The following TC2N variants were observed in gnomAD, a reference collection of about 807,000 sequenced individuals.
The protein encoded by TC2N is tandem C2 domains, nuclear.
TC2N carries 51 observed loss-of-function variants against 61.9 expected under a neutral mutation model. The ratio of observed to expected loss-of-function variants is 0.82; its 90% CI spans 0.66 to 1.04. The LOEUF (loss-of-function observed/expected upper bound fraction) is 1.04, where lower values mean the gene tolerates loss of function less well. Ranked by LOEUF, TC2N falls within the 50% of genes least tolerant of loss-of-function variation. TC2N has a pLI of 0.00. For synonymous variants in TC2N, 204 were observed against 192.6 expected, an observed-to-expected ratio of 1.06 and a Z score of -0.49; for missense variants, 556 against 566.7, an observed-to-expected ratio of 0.98 and a Z score of 0.19.
intron 8 of TC2N, among the ~76,000 whole-genome samples, chr14:91,794,643 G>A (rs1282761562): frequency 1.3e-5 from 2 of 151,488 alleles, no homozygotes; most frequent in African/African-American, 4.9e-5. Flanking sequence ...GTCTACTATT[G>A]AGATCTACTG....
intron 1 of TC2N, among the ~76,000 whole-genome samples, chr14:91,852,704 G>A (rs1374231075): frequency 6.6e-6 from 1 of 152,134 alleles, no homozygotes; most frequent in African/African-American, 2.4e-5. Context: ...CATGTTTGAG[G>A]AACAGTGAGA....
At chr14:91,788,174 G>A (rs1371543649) in intron 9 of TC2N, among the ~76,000 whole-genome samples, 1 of 152,112 alleles carries the variant, frequency 6.6e-6, no homozygotes, top group Non-Finnish European at 1.5e-5. Context: ...AAGGAAGCTA[G>A]TCAAAGTGAT....
At chr14:91,866,009 A>G (rs1888694703) in intron 1 of TC2N, among the ~76,000 whole-genome samples, 1 of 152,236 alleles carries the variant, frequency 6.6e-6, no homozygotes, top group Non-Finnish European at 1.5e-5. Flanking sequence ...TATCCTGTTC[A>G]TGTCTCTGAA....
chr14:91,826,145 C>T (rs1208168479), intron 1 of TC2N, among the ~76,000 whole-genome samples: 5 of 151,564 alleles, frequency 3.3e-5, no homozygotes, highest in African/African-American at 1.2e-4. Flanking sequence ...ATAGGGAGAC[C>T]CCTATCTCTA....
At chr14:91,801,362 A>C (rs1886240305) in intron 4 of TC2N, among the ~76,000 whole-genome samples, 1 of 152,208 alleles carries the variant, frequency 6.6e-6, no homozygotes, top group African/African-American at 2.4e-5. Context: ...AAATGCATAC[A>C]AAATAATCTG....
intron 1 of TC2N, among the ~76,000 whole-genome samples, chr14:91,863,003 A>G (rs1888625172): frequency 6.6e-6 from 1 of 152,244 alleles, no homozygotes; most frequent in Admixed American, 6.5e-5. Flanking sequence ...TGATTTTAAT[A>G]GTGCCTTTGC....
In TC2N at chr14:91,782,228, C is replaced by T. The variant is rs903262623; in HGVS notation, c.*872G>A. ...AAAAAAATGAGAAAATACTCAAACA[C>T]GGTAAATTATAGAATAATCTAAATT... On this transcript the variant is annotated 3_prime_UTR_variant, in exon 12 of 12. Coordinates refer to ENST00000435962, the MANE Select transcript of TC2N (RefSeq NM_001128596.3). The T allele has an allele frequency of 3.3e-5, 5 of 151,744 alleles. No homozygotes were observed. The highest frequency in any genetic ancestry group is 5.9e-5 in the Non-Finnish European group (4 of 67,834). The allele number at this position is 151,744 out of a possible 1,614,324, so 9.4% of individuals were successfully genotyped here.
At chr14:91,785,494 G>T in intron 10 of TC2N, 133 bp from the exon 11 acceptor site, 1 of 643,780 alleles carries the variant, frequency 1.6e-6, no homozygotes, top group Non-Finnish European at 2.6e-6. Flanking sequence ...ACTTTTAAAT[G>T]TTTGATGAGC....
At chr14:91,834,366 G>C (rs1337943286) in intron 1 of TC2N, among the ~76,000 whole-genome samples, 1 of 152,152 alleles carries the variant, frequency 6.6e-6, no homozygotes, top group Non-Finnish European at 1.5e-5. Context: ...TTAACCATGA[G>C]AGAGGAACAA....
At chr14:91,800,397 T>C in intron 4 of TC2N, 25 bp from the exon 5 acceptor site, 4 of 1,371,178 alleles carry the variant, frequency 2.9e-6, no homozygotes, top group South Asian at 1.3e-5. Flanking sequence ...GAGAAAAGTA[T>C]ATATTTTTAA....
chr14:91,848,149 T>C (rs114505021), intron 1 of TC2N, among the ~76,000 whole-genome samples: 81 of 152,334 alleles, frequency 5.3e-4, no homozygotes, highest in African/African-American at 1.6e-3. Flanking sequence ...TAAGATATCA[T>C]TTTGACTAAT....
chr14:91,844,671 G>A (rs554532434), intron 1 of TC2N, among the ~76,000 whole-genome samples: 1 of 146,852 alleles, frequency 6.8e-6, no homozygotes, highest in South Asian at 2.2e-4. Flanking sequence ...TGAGGCAGGA[G>A]AATCGCTTGA....
rs1049202578 is a variant in TC2N, at chr14:91,782,101, A to T, written c.*999T>A. 3.3e-5 allele frequency: 5 copies of T among 152,078 alleles called. No homozygotes were observed. Among genetic ancestry groups the T allele is most frequent in the Non-Finnish European group, 7.4e-5 (5 of 67,930 alleles). 9.4% of individuals were successfully genotyped at this position (152,078 alleles called of 1,614,324 possible). A position where few individuals can be genotyped will look rare whatever the true frequency, so the allele number is the denominator to read the frequency against. On this transcript the variant is annotated 3_prime_UTR_variant, in exon 12 of 12. Coordinates refer to ENST00000435962, the MANE Select transcript of TC2N (RefSeq NM_001128596.3). ...CTTTTTGGCCACAGTTCTTATGGTC[A>T]ATTAAGCTGAAATTATTTCCAAATA...
intron 10 of TC2N, among the ~76,000 whole-genome samples, chr14:91,785,794 T>G (rs1482094660): frequency 6.6e-6 from 1 of 151,984 alleles, no homozygotes; most frequent in East Asian, 1.9e-4. Flanking sequence ...TACTTTAAAT[T>G]TGAGATGTAT....
chr14:91,866,507 A>C (rs2139931384), intron 1 of TC2N: 1 of 152,358 alleles, frequency 6.6e-6, no homozygotes, highest in African/African-American at 2.4e-5. Flanking sequence ...ATTATTTAGG[A>C]TGAACGTTTT....
At chr14:91,865,372 T>G (rs1342174089) in intron 1 of TC2N, among the ~76,000 whole-genome samples, 3 of 136,920 alleles carry the variant, frequency 2.2e-5, no homozygotes, top group Admixed American at 7.0e-5. Context: ...CCTCTTGGTT[T>G]TTTTTTTTTT....
rs1885154051 is a variant in TC2N, at chr14:91,782,020, A to C, written c.*1080T>G. ...ACTTAGTCTACTTATTAGCAAAAAT[A>C]AAGTGAGATTTTCTAAAATCAGGTA... On this transcript the variant is annotated 3_prime_UTR_variant, in exon 12 of 12. Transcript: ENST00000435962. 1 of 152,070 alleles carries C rather than the reference A, an allele frequency of 6.6e-6. No homozygotes were observed. Among genetic ancestry groups the C allele is most frequent in the Non-Finnish European group, 1.5e-5 (1 of 67,932 alleles). 9.4% of individuals were successfully genotyped at this position (152,070 alleles called of 1,614,324 possible). A position where few individuals can be genotyped will look rare whatever the true frequency, so the allele number is the denominator to read the frequency against.
chr14:91,798,458 A>G, intron 6 of TC2N, 59 bp from the exon 7 acceptor site: 1 of 908,090 alleles, frequency 1.1e-6, no homozygotes, highest in South Asian at 1.5e-5. Context: ...AACCCAATTA[A>G]GCTTTGACAC....
chr14:91,798,260 A>G (rs1207785964), intron 7 of TC2N, 39 bp downstream of exon 7: 5 of 1,123,754 alleles, frequency 4.4e-6, no homozygotes, highest in Non-Finnish European at 6.4e-6. Flanking sequence ...TAAATATTCA[A>G]TTTTGTAATA....
Sources: allele counts gnomAD v4.1 joint callset (sites outside exome capture counted in the v4.1 genomes callset), GRCh38; gene constraint gnomAD v4.1.1; transcripts MANE v1.5; gene names NCBI Gene and HGNC (gene_info 2026-07-23, HGNC 2026-07-21).